Variants in FCAR observed in about 807,000 individuals in gnomAD.
The protein encoded by FCAR is Fc alpha receptor.
In FCAR, 21 loss-of-function variants were observed where a neutral mutation model predicts 27.1. The observed-to-expected ratio is 0.77, with a 90% confidence interval of 0.55 to 1.11. The LOEUF is 1.11. Ranked by LOEUF, FCAR falls within the 50% of genes most tolerant of loss-of-function variation. FCAR has a pLI of 0.00. For synonymous variants in FCAR, 134 were observed against 135.8 expected, an observed-to-expected ratio of 0.99 and a Z score of 0.09; for missense variants, 404 against 358.4, an observed-to-expected ratio of 1.13 and a Z score of -1.03.
Position 54,874,313 on chromosome 19 carries a change from C to A in FCAR, c.24C>A (p.Leu8=), listed in dbSNP as rs1486175541. MDPKQTT[L]LCLVLCLGQR... ...CGATGGACCCCAAACAGACCACCCT[C>A]CTGTGTCTTGGTGAGTTTCAGAGTA... The change falls in exon 1 of 5, where the codon CTC becomes CTA. Residue 8 remains leucine (L), a synonymous_variant. Coordinates refer to ENST00000355524, the MANE Select transcript of FCAR (RefSeq NM_002000.4). 1.7e-5 allele frequency: 28 copies of A among 1,614,058 alleles called. No homozygotes were observed. Among genetic ancestry groups the A allele is most frequent in the Non-Finnish European group, 2.1e-5 (25 of 1,180,034 alleles).
At chr19:54,881,909 AAATAAATAAATAAATAAATAAATT>A (rs1301534821) in intron 2 of FCAR, among the ~76,000 whole-genome samples, 21,678 of 63,080 alleles carry the variant, frequency 0.34, 1,735 homozygotes, top group African/African-American at 0.41. Flanking sequence ...ATAAATAAAT[AAATAAATAAATAAATAAATAAATT>A]GAAGCATGAA....
intron 2 of FCAR, among the ~76,000 whole-genome samples, chr19:54,880,184 G>A (rs761937070): frequency 4.6e-5 from 7 of 152,242 alleles, no homozygotes; most frequent in Middle Eastern, 6.8e-3. Context: ...CATCTCTTTC[G>A]GGGATGCCAA....
chr19:54,881,888 TA>T (rs2066439835), intron 2 of FCAR, among the ~76,000 whole-genome samples: 1 of 9,820 alleles, frequency 1.0e-4, no homozygotes, highest in Non-Finnish European at 2.3e-4. Flanking sequence ...CTCAAATAAA[TA>T]AATAAATAAA....
In FCAR at chr19:54,890,001, C is replaced by T. The variant is rs1292489391; in HGVS notation, c.*138C>T. 2.6e-5 allele frequency: 17 copies of T among 649,896 alleles called. No homozygotes were observed. Among genetic ancestry groups the T allele is most frequent in the Non-Finnish European group, 4.0e-5 (15 of 377,022 alleles). The allele number at this position is 649,896 out of a possible 1,614,324, so 40.3% of individuals were successfully genotyped here. A position where few individuals can be genotyped will look rare whatever the true frequency, so the allele number is the denominator to read the frequency against. On this transcript the variant is annotated 3_prime_UTR_variant, in exon 5 of 5. Coordinates refer to ENST00000355524, the MANE Select transcript of FCAR (RefSeq NM_002000.4). Reference sequence around the variant, plus strand: ...TTTGAGACAGAGTCTGGCTCTGTCACCCAGGCTGGAGTGCAGTGGAGCAAT... The same window carrying T: ...TTTGAGACAGAGTCTGGCTCTGTCATCCAGGCTGGAGTGCAGTGGAGCAAT...
At chr19:54,887,143 G>A (rs1388421707) in intron 3 of FCAR, among the ~76,000 whole-genome samples, 3 of 151,962 alleles carry the variant, frequency 2.0e-5, no homozygotes, top group African/African-American at 7.3e-5. Flanking sequence ...GACCCCATCT[G>A]TACAAAAAAT....
intron 2 of FCAR, 105 bp downstream of exon 2, chr19:54,875,470 A>C: frequency 1.1e-6 from 1 of 932,048 alleles, no homozygotes; most frequent in Non-Finnish European, 1.7e-6. Context: ...TTTAATCCCC[A>C]TTCTAGTTGT....
At chr19:54,888,483 CA>C in intron 4 of FCAR, 189 bp downstream of exon 4, 1 of 1,421,646 alleles carries the variant, frequency 7.0e-7, no homozygotes, top group Non-Finnish European at 9.2e-7. Context: ...GTTCTCCAGA[CA>C]GGGTTCATTG....
chr19:54,878,750 C>A (rs1307764984), intron 2 of FCAR, among the ~76,000 whole-genome samples: 1 of 83,566 alleles, frequency 1.2e-5, no homozygotes, highest in Non-Finnish European at 2.2e-5. Context: ...GCAGCTCCTG[C>A]ATTTTTTTTT....
At chr19:54,885,909 C>T (rs587611038) in intron 3 of FCAR, among the ~76,000 whole-genome samples, 115 of 152,184 alleles carry the variant, frequency 7.6e-4, no homozygotes, top group Non-Finnish European at 1.5e-3. Context: ...GTCAGGAGTT[C>T]GAGACCAGCC....
intron 3 of FCAR, among the ~76,000 whole-genome samples, 185 bp downstream of exon 3, chr19:54,885,710 A>C (rs1002343168): frequency 3.3e-5 from 5 of 152,242 alleles, no homozygotes; most frequent in African/African-American, 1.2e-4. Context: ...CACATTTCTT[A>C]CCATTAATGA....
chr19:54,881,369 C>A (rs1000364978), intron 2 of FCAR, among the ~76,000 whole-genome samples: 1 of 152,160 alleles, frequency 6.6e-6, no homozygotes, highest in Non-Finnish European at 1.5e-5. Context: ...CCAGTACCAC[C>A]GCAGTGGCAG....
chr19:54,884,367 C>T (rs1301511127), intron 2 of FCAR, among the ~76,000 whole-genome samples: 1 of 152,146 alleles, frequency 6.6e-6, no homozygotes, highest in African/African-American at 2.4e-5. Flanking sequence ...TGCGGTGGCT[C>T]ACGCTTGTAA....
intron 2 of FCAR, among the ~76,000 whole-genome samples, chr19:54,876,544 T>C (rs770329740): frequency 2.3e-4 from 35 of 152,166 alleles, no homozygotes; most frequent in Non-Finnish European, 4.4e-4. Flanking sequence ...TAAAGGGATG[T>C]TGAATTTTAT....
Position 54,888,121 on chromosome 19 carries a change from C to T in FCAR, c.476C>T (p.Ala159Val), listed in dbSNP as rs1395494162. ...ATCCCATTTGATAGATTTTCACTGG[C>T]CAAGGAGGGAGAACTTTCTCTGCCA... ...AHIPFDRFSL[A>V]KEGELSLPQH... Residue 159 changes from alanine (A) to valine (V), a missense_variant, in exon 4 of 5, where the codon GCC becomes GTC. Physicochemically the swap from Ala to Val is moderately conservative, Grantham distance 64 (BLOSUM62 0). Coordinates refer to ENST00000355524, the MANE Select transcript of FCAR (RefSeq NM_002000.4). 6.2e-7 allele frequency: 1 copy of T among 1,614,038 alleles called. No individual in the cohort carries two copies. Among genetic ancestry groups the T allele is most frequent in the Admixed American group, 1.7e-5 (1 of 59,986 alleles).
rs138555719 is a variant in FCAR at position 54,887,547 on chromosome 19, G to A, written c.362-460G>A. Among the ~76,000 whole-genome samples the A allele has an allele frequency of 3.0e-3, 452 of 151,960 alleles. 4 individuals are homozygous for A. Among genetic ancestry groups the A allele is most frequent in the African/African-American group, 0.01 (423 of 41,446 alleles). ...GAGGCAGGAGACTCACTTGAACCTC[G>A]GAGGTGGAGGTTGCAGTGAGCTGAG... On this transcript the variant is annotated intron_variant, in intron 3 of 4. Coordinates refer to ENST00000355524, the MANE Select transcript of FCAR (RefSeq NM_002000.4).
intron 3 of FCAR, among the ~76,000 whole-genome samples, chr19:54,886,226 C>G (rs1407590133): frequency 6.9e-6 from 1 of 144,460 alleles, no homozygotes; most frequent in South Asian, 2.4e-4. Flanking sequence ...CCAGGCTGGG[C>G]GACAGGGCGA....
chr19:54,884,437 G>T (rs1212591339), intron 2 of FCAR, among the ~76,000 whole-genome samples: 1 of 152,056 alleles, frequency 6.6e-6, no homozygotes, highest in East Asian at 1.9e-4. Context: ...TTCAAGACCA[G>T]CCTGGCCAAC....
intron 2 of FCAR, among the ~76,000 whole-genome samples, chr19:54,878,205 C>A (rs78881402): frequency 0.041 from 6,233 of 152,236 alleles, 154 homozygotes; most frequent in Middle Eastern, 0.1. Context: ...GTGTGAGCCA[C>A]CGTGCCCAGC....
chr19:54,878,071 C>A (rs28897069), intron 2 of FCAR, among the ~76,000 whole-genome samples: 42,917 of 151,616 alleles, frequency 0.28, 6,167 homozygotes, highest in South Asian at 0.39. Context: ...GCCCGCCACC[C>A]CGCCCGGCTA....
Sources: allele counts gnomAD v4.1 joint callset (sites outside exome capture counted in the v4.1 genomes callset), GRCh38; gene constraint gnomAD v4.1.1; transcripts MANE v1.5; gene names NCBI Gene and HGNC (gene_info 2026-07-23, HGNC 2026-07-21).